The following STAM variants were observed in gnomAD, a reference collection of about 807,000 sequenced individuals.
STAM encodes signal transducing adapter molecule 1.
STAM carries 16 observed loss-of-function variants against 63.4 expected under a neutral mutation model. The observed-to-expected ratio is 0.25, with a 90% CI of 0.17 to 0.38. STAM has a LOEUF of 0.38. STAM is among the 10% of genes least tolerant of loss of function. The pLI is 1.00. For missense variants in STAM, 636 were observed against 657.1 expected, an observed-to-expected ratio of 0.97 and a Z score of 0.35; for synonymous variants, 238 against 223.9, an observed-to-expected ratio of 1.06 and a Z score of -0.56.
intron 9 of STAM, among the ~76,000 whole-genome samples, chr10:17,701,455 C>T (rs1835992720): frequency 6.6e-6 from 1 of 152,160 alleles, no homozygotes; most frequent in African/African-American, 2.4e-5. Context: ...CAAATTTAGC[C>T]TGTTGCCTGT....
intron 9 of STAM, among the ~76,000 whole-genome samples, chr10:17,702,089 C>T (rs1554828551): frequency 1.3e-5 from 2 of 152,106 alleles, no homozygotes; most frequent in African/African-American, 4.8e-5. Context: ...TCCTCACTTT[C>T]AACTATAAAA....
At chr10:17,656,640 A>G (rs1461258198) in intron 1 of STAM, among the ~76,000 whole-genome samples, 3 of 152,096 alleles carry the variant, frequency 2.0e-5, no homozygotes, top group Admixed American at 1.3e-4. Flanking sequence ...CTTTTTATAC[A>G]TTGTTGGATT....
chr10:17,691,832 G>A (rs1341337861), intron 5 of STAM, among the ~76,000 whole-genome samples: 4 of 152,134 alleles, frequency 2.6e-5, no homozygotes, highest in African/African-American at 7.2e-5. Context: ...TAAATTGTTT[G>A]CCCTGGGAAT....
At chr10:17,708,073 G>A (rs183949424) in intron 12 of STAM, among the ~76,000 whole-genome samples, 23 of 152,200 alleles carry the variant, frequency 1.5e-4, no homozygotes, top group East Asian at 5.8e-4. Flanking sequence ...TGTATTTTTA[G>A]TAGAGACGGG....
At position 17,669,815 on chromosome 10, in the gene STAM, A is replaced by T. The variant is rs1414710720; in HGVS notation, c.125+9267A>T. Among the ~76,000 whole-genome samples, 4 of 147,744 alleles carry T rather than the reference A, an allele frequency of 2.7e-5. No homozygotes were observed. The East Asian group carries it at 7.9e-4, about 29-fold the overall frequency. ...CAGGTTCACACCGTTCTCCTGCCTC[A>T]GCCTCCCCAGTAGCTGGGACTACAG... is the stretch of plus-strand genomic sequence containing the variant. On this transcript the variant is annotated intron_variant, in intron 2 of 13. Coordinates refer to ENST00000377524, the MANE Select transcript of STAM (RefSeq NM_003473.4).
chr10:17,714,474 T>C lies in STAM; in HGVS notation c.1386-69T>C, dbSNP rs1279867975. ...TATGAATGAATGCTTAGTAAATAGCTTTTCCATTTATCTGTAGTTGCTCTA... is the reference window on the plus strand; with the variant it reads ...TATGAATGAATGCTTAGTAAATAGCCTTTCCATTTATCTGTAGTTGCTCTA... On this transcript the variant is annotated intron_variant, in intron 13 of 13. Transcript: ENST00000377524. The C allele has an allele frequency of 2.2e-5, 31 of 1,417,046 alleles. No homozygotes were observed. The East Asian group carries it at 6.4e-4, about 29-fold the overall frequency. The allele number at this position is 1,417,046 out of a possible 1,614,324, so 87.8% of individuals were successfully genotyped here.
chr10:17,684,621 CA>C, intron 2 of STAM, 53 bp from the exon 3 acceptor site: 2 of 1,431,366 alleles, frequency 1.4e-6, no homozygotes, highest in Non-Finnish European at 1.9e-6. Context: ...AGTTAAGGGG[CA>C]GGGGGAAGCT....
chr10:17,693,376 A>G (rs782424104), intron 6 of STAM, 64 bp downstream of exon 6: 35 of 1,349,174 alleles, frequency 2.6e-5, no homozygotes, highest in African/African-American at 4.4e-5. Flanking sequence ...TGAGATATTT[A>G]AAGGTAAAAT....
intron 2 of STAM, among the ~76,000 whole-genome samples, chr10:17,662,274 T>C (rs944046416): frequency 6.6e-6 from 1 of 152,198 alleles, no homozygotes; most frequent in Admixed American, 6.5e-5. Flanking sequence ...GTGCTTTTTT[T>C]CTACCTTAGT....
At chr10:17,678,715 C>T (rs1362595500) in intron 2 of STAM, among the ~76,000 whole-genome samples, 2 of 152,144 alleles carry the variant, frequency 1.3e-5, no homozygotes, top group Non-Finnish European at 2.9e-5. Flanking sequence ...GCAACCAACA[C>T]CACTATCCAT....
At chr10:17,689,031 TC>T (rs1835419313) in intron 5 of STAM, among the ~76,000 whole-genome samples, 1 of 152,196 alleles carries the variant, frequency 6.6e-6, no homozygotes, top group African/African-American at 2.4e-5. Flanking sequence ...ACATAAGTCT[TC>T]CTTTCCCCAG....
At chr10:17,647,398 C>T (rs1240617827) in intron 1 of STAM, among the ~76,000 whole-genome samples, 2 of 152,118 alleles carry the variant, frequency 1.3e-5, no homozygotes, top group African/African-American at 4.8e-5. Flanking sequence ...CAAACTTTTT[C>T]TCATTTTCTA....
intron 1 of STAM, among the ~76,000 whole-genome samples, chr10:17,646,273 G>C (rs1589013274): frequency 6.6e-6 from 1 of 152,022 alleles, no homozygotes; most frequent in African/African-American, 2.4e-5. Flanking sequence ...AGGGTGTTCA[G>C]CCTTATCCCT....
intron 1 of STAM, among the ~76,000 whole-genome samples, chr10:17,649,390 CT>C (rs1833648200): frequency 1.1e-5 from 1 of 94,250 alleles, no homozygotes; most frequent in Non-Finnish European, 2.1e-5. Context: ...GAGACCCTGT[CT>C]TTAAAAAAAA....
chr10:17,682,469 T>C (rs1362179065), intron 2 of STAM, among the ~76,000 whole-genome samples: 2 of 152,226 alleles, frequency 1.3e-5, no homozygotes, highest in African/African-American at 4.8e-5. Context: ...CATTTTCATG[T>C]CCTTAAGGGA....
chr10:17,700,418 A>T (rs1365814827), intron 9 of STAM, 139 bp downstream of exon 9: 2 of 569,276 alleles, frequency 3.5e-6, no homozygotes, highest in African/African-American at 3.9e-5. Context: ...AGCAATATAG[A>T]CGATGCAGAC....
intron 1 of STAM, 33 bp downstream of exon 1, chr10:17,644,412 C>T: frequency 1.2e-6 from 2 of 1,613,434 alleles, no homozygotes; most frequent in East Asian, 2.2e-5. Flanking sequence ...GCCCATTCCT[C>T]ACCGGACTGC....
chr10:17,703,023 A>AAAAAAAAAAG (rs1554828727), intron 9 of STAM, among the ~76,000 whole-genome samples: 2 of 114,212 alleles, frequency 1.8e-5, no homozygotes, highest in African/African-American at 6.3e-5. Flanking sequence ...AAAAAAAAAA[A>AAAAAAAAAAG]AAAAGAAAAG....
At chr10:17,701,503 G>C (rs1235251939) in intron 9 of STAM, among the ~76,000 whole-genome samples, 1 of 152,118 alleles carries the variant, frequency 6.6e-6, no homozygotes, top group Non-Finnish European at 1.5e-5. Context: ...TATATTGTTT[G>C]GCTGCTTTTG....
Sources: gnomAD v4.1 joint callset for allele counts (sites outside exome capture counted in the v4.1 genomes callset) on GRCh38, gnomAD v4.1.1 for gene constraint, MANE v1.5 for transcripts, NCBI Gene and HGNC (gene_info 2026-07-23, HGNC 2026-07-21) for gene names.